The following FMN1 variants were observed in gnomAD, a reference collection of about 807,000 sequenced individuals.
The protein encoded by FMN1 is formin 1, also known as formin-1.
FMN1 carries 110 observed loss-of-function variants against 132.4 expected under a neutral mutation model. The observed-to-expected ratio is 0.83, with a 90% CI of 0.71 to 0.97. The LOEUF (loss-of-function observed/expected upper bound fraction) is 0.97, where lower values mean the gene tolerates loss of function less well. Ranked by LOEUF, FMN1 falls within the 50% of genes least tolerant of loss-of-function variation. FMN1 has a pLI of 0.00. For missense variants in FMN1, 1,792 were observed against 1,705.3 expected (o/e 1.05, Z -0.90); for synonymous variants, 722 against 651.7 (o/e 1.11, Z -1.64).
At chr15:33,187,866 T>C (rs1359161259) in intron 2 of FMN1, among the ~76,000 whole-genome samples, 1 of 152,212 alleles carries the variant, frequency 6.6e-6, no homozygotes, top group Non-Finnish European at 1.5e-5. Flanking sequence ...AATTTTCATA[T>C]ACCTGTCTTT....
intron 7 of FMN1, among the ~76,000 whole-genome samples, chr15:33,005,976 C>A (rs2034394693): frequency 6.6e-6 from 1 of 152,118 alleles, no homozygotes; most frequent in South Asian, 2.1e-4. Context: ...CATTTTCTCT[C>A]CCTAACTATT....
At chr15:33,176,733 A>G (rs1965528370) in intron 3 of FMN1, among the ~76,000 whole-genome samples, 1 of 152,264 alleles carries the variant, frequency 6.6e-6, no homozygotes, top group African/African-American at 2.4e-5. Context: ...TCTTGACTAT[A>G]TATGTTAGCC....
intron 3 of FMN1, among the ~76,000 whole-genome samples, chr15:33,173,292 GAA>G (rs1965396002): frequency 1.3e-5 from 2 of 152,306 alleles, no homozygotes; most frequent in Admixed American, 1.3e-4. Context: ...AGGTGAGAGA[GAA>G]AGATAAAGAC....
At chr15:33,177,346 A>G (rs1360642468) in intron 3 of FMN1, among the ~76,000 whole-genome samples, 1 of 152,216 alleles carries the variant, frequency 6.6e-6, no homozygotes, top group Non-Finnish European at 1.5e-5. Context: ...CAACTGGTCT[A>G]AGACTGATCA....
intron 16 of FMN1, among the ~76,000 whole-genome samples, chr15:32,887,816 T>C (rs1323369381): frequency 1.3e-5 from 2 of 152,198 alleles, no homozygotes; most frequent in African/African-American, 4.8e-5. Flanking sequence ...ATCTGTAAAA[T>C]GGGTTTAGTG....
Position 32,771,411 on chromosome 15 carries a change from AGTGTAATTTATGATGTACTTT to A in FMN1, c.*2878_*2898del, listed in dbSNP as rs1295528369. 4.6e-5 allele frequency: 7 copies of A among 152,208 alleles called. No individual in the cohort carries two copies. Among genetic ancestry groups the A allele is most frequent in the African/African-American group, 1.7e-4 (7 of 41,538 alleles). 9.4% of individuals were successfully genotyped at this position (152,208 alleles called of 1,614,324 possible). On this transcript the variant is annotated 3_prime_UTR_variant, in exon 21 of 21. Transcript: ENST00000616417. ...GATGCTTTTTACCTAACGTGTCTGT[AGTGTAATTTATGATGTACTTT>A]GTGTAATTTATGTAACTTATGATAT...
intron 4 of FMN1, among the ~76,000 whole-genome samples, chr15:33,109,257 G>A (rs1348273031): frequency 6.6e-6 from 1 of 152,010 alleles, no homozygotes. Context: ...AAACAACATA[G>A]AAATCCACTA....
At chr15:33,108,747 GATTC>G (rs2039583278) in intron 4 of FMN1, among the ~76,000 whole-genome samples, 1 of 151,976 alleles carries the variant, frequency 6.6e-6, no homozygotes, top group African/African-American at 2.4e-5. Context: ...CCTTTTCCTT[GATTC>G]ATTAGATGGT....
intron 4 of FMN1, 64 bp from the exon 5 acceptor site, chr15:33,089,038 T>C: frequency 7.1e-7 from 1 of 1,401,274 alleles, no homozygotes; most frequent in Non-Finnish European, 9.5e-7. Context: ...AATAAAGCCA[T>C]ATTTGGGGAA....
chr15:32,869,492 A>G (rs2141365813), intron 16 of FMN1, among the ~76,000 whole-genome samples: 1 of 152,334 alleles, frequency 6.6e-6, no homozygotes, highest in Middle Eastern at 3.4e-3. Context: ...GAGCACATTA[A>G]GTTTGAAATG....
rs1179771851 is a variant in FMN1, at chr15:32,774,259, T to C, written c.*51A>G. 2.2e-6 allele frequency: 3 copies of C among 1,385,172 alleles called. No individual in the cohort carries two copies. Among genetic ancestry groups the C allele is most frequent in the Non-Finnish European group, 3.0e-6 (3 of 984,954 alleles). The allele number at this position is 1,385,172 out of a possible 1,614,324, so 85.8% of individuals were successfully genotyped here. The stretch of plus-strand genomic sequence containing the variant: ...TGCAACCCTGTGGTCACAAAGAGTA[T>C]GCGTGCAAGGTCCTCCACCTCCAGT... On this transcript the variant is annotated 3_prime_UTR_variant, in exon 21 of 21. Transcript: ENST00000616417.
In FMN1 at chr15:33,088,975, C is replaced by G; in HGVS notation, c.1868-1G>C. 6.5e-7 allele frequency: 1 copy of G among 1,529,420 alleles called. No individual in the cohort carries two copies. Among genetic ancestry groups the G allele is most frequent in the Non-Finnish European group, 8.7e-7 (1 of 1,144,938 alleles). 94.7% of individuals were successfully genotyped at this position (1,529,420 alleles called of 1,614,324 possible). A position where few individuals can be genotyped will look rare whatever the true frequency, so the allele number is the denominator to read the frequency against. Reference sequence around the variant, plus strand: ...CAGGGAAAGCCCTCAGAGGAGATACCTAAACAAACACAGAGAAGGCCATCA... The same window carrying G: ...CAGGGAAAGCCCTCAGAGGAGATACGTAAACAAACACAGAGAAGGCCATCA... On this transcript the variant is annotated splice_acceptor_variant, in intron 4 of 20. Coordinates refer to ENST00000616417, the MANE Select transcript of FMN1 (RefSeq NM_001277313.2). LOFTEE classifies it high-confidence loss of function.
chr15:32,953,677 G>A (rs1382397726), intron 9 of FMN1, among the ~76,000 whole-genome samples: 6 of 152,268 alleles, frequency 3.9e-5, no homozygotes, highest in South Asian at 4.2e-4. Flanking sequence ...CAGGCCTCTC[G>A]ACCGTGGAAA....
intron 6 of FMN1, among the ~76,000 whole-genome samples, chr15:33,040,136 T>C (rs2036363151): frequency 6.6e-6 from 1 of 152,210 alleles, no homozygotes; most frequent in African/African-American, 2.4e-5. Flanking sequence ...TCATTCATAA[T>C]AAACTAAAAA....
At chr15:33,096,295 T>C (rs1036949033) in intron 4 of FMN1, among the ~76,000 whole-genome samples, 6 of 152,196 alleles carry the variant, frequency 3.9e-5, no homozygotes, top group Non-Finnish European at 5.9e-5. Flanking sequence ...CACAATATTG[T>C]TGCCAGCACT....
intron 17 of FMN1, among the ~76,000 whole-genome samples, chr15:32,822,310 C>G (rs986461550): frequency 6.6e-6 from 1 of 152,174 alleles, no homozygotes; most frequent in Non-Finnish European, 1.5e-5. Context: ...GATTGCAGCA[C>G]TGCACTCCAG....
chr15:32,963,968 TG>T, intron 9 of FMN1, 138 bp downstream of exon 9: 1 of 458,946 alleles, frequency 2.2e-6, no homozygotes, highest in Non-Finnish European at 3.8e-6. Context: ...TAAATTCCTA[TG>T]ATACACACAC....
At chr15:32,910,354 G>A in intron 11 of FMN1, 120 bp downstream of exon 11, 2 of 749,796 alleles carry the variant, frequency 2.7e-6, no homozygotes, top group Non-Finnish European at 4.5e-6. Flanking sequence ...GTGTTTCTAT[G>A]CCTTAATCTC....
intron 16 of FMN1, among the ~76,000 whole-genome samples, chr15:32,872,040 C>T (rs866879089): frequency 4.3e-5 from 6 of 140,968 alleles, no homozygotes; most frequent in African/African-American, 1.3e-4. Flanking sequence ...GAAAGTAGCT[C>T]TTTTTTTTTT....
Sources: gnomAD v4.1 joint callset for allele counts (sites outside exome capture counted in the v4.1 genomes callset) on GRCh38, gnomAD v4.1.1 for gene constraint, MANE v1.5 for transcripts, NCBI Gene and HGNC (gene_info 2026-07-23, HGNC 2026-07-21) for gene names.